The following SEC16A variants were observed in gnomAD, a reference collection of about 807,000 sequenced individuals.
SEC16A encodes SEC16 homolog A, endoplasmic reticulum export factor, also known as protein transport protein Sec16A.
A neutral mutation model predicts 221.9 loss-of-function variants in SEC16A; 110 were observed. That is an observed-to-expected ratio of 0.50 (90% CI 0.42 to 0.58). SEC16A has a LOEUF of 0.58. SEC16A is among the 20% of genes least tolerant of loss of function. The pLI is 0.00. For synonymous variants in SEC16A, 1,393 were observed against 1,257.7 expected, an observed-to-expected ratio of 1.11 and a Z score of -2.28; for missense variants, 3,165 against 3,097.8, an observed-to-expected ratio of 1.02 and a Z score of -0.52.
At chr9:136,483,505 C>G, upstream of SEC16A, 1 of 982,748 alleles carries the variant, frequency 1.0e-6, no homozygotes, top group Non-Finnish European at 1.2e-6. Context: ...CGTCTGCCGC[C>G]TCACCGCTTG....
Position 136,466,018 on chromosome 9 carries a change from G to C in SEC16A, c.4247C>G (p.Pro1416Arg). ...AGGGTAGCCATACTCTGGGAAGCCG[G>C]GGCCACTGCTGAAATTGCTGCGGTA... ...GTYRSNFSSG[P>R]GFPEYGYPAD... is the part of the protein sequence containing the mutation. Residue 1416 changes from proline (P) to arginine (R), a missense_variant, in exon 8 of 32, where the codon CCC becomes CGC. Coordinates refer to ENST00000684901, the MANE Select transcript of SEC16A (RefSeq NM_014866.2). The surrounding 1 kb of genome is among the most constrained non-coding windows in gnomAD (Gnocchi z 5.5). 6.2e-7 allele frequency: 1 copy of C among 1,613,734 alleles called. No individual in the cohort carries two copies. The highest frequency in any genetic ancestry group is 1.1e-5 in the South Asian group (1 of 91,082).
At chr9:136,484,699 G>C, upstream of SEC16A, 1 of 1,366,572 alleles carries the variant, frequency 7.3e-7, no homozygotes, top group South Asian at 1.1e-5. Flanking sequence ...AGGCGGTGCA[G>C]GGAGAGCTTC....
chr9:136,455,471 T>G, intron 20 of SEC16A, 130 bp downstream of exon 20: 2 of 828,344 alleles, frequency 2.4e-6, no homozygotes, highest in Non-Finnish European at 3.6e-6. Context: ...ACCACCGAGG[T>G]GGTGTGAGAC....
rs752423148 is a variant in SEC16A at position 136,467,016 on chromosome 9, C to T, written c.3870G>A (p.Arg1290=). The part of the protein sequence containing the change: ...RVRDPRTYDR[R]YWCDAEYDAY... ...CGTCATACTCTGCATCACACCAATA[C>T]CTCCGGTCATAGGTGCGGGGGTCCC... The change falls in exon 6 of 32, where the codon AGG becomes AGA. Residue 1290 remains arginine, a synonymous_variant. Transcript: ENST00000684901. 1 of 1,613,906 alleles carries T rather than the reference C, an allele frequency of 6.2e-7. No homozygotes were observed. The highest frequency in any genetic ancestry group is 1.1e-5 in the South Asian group (1 of 91,072).
rs1589003016 is a variant in SEC16A at position 136,475,084 on chromosome 9, G to A, written c.2532C>T (p.Asn844=). Residue 844 remains asparagine (N), a synonymous_variant, in exon 3 of 32, where the codon AAC becomes AAT. Transcript: ENST00000684901. The surrounding 1 kb of genome is among the most constrained non-coding windows in gnomAD (Gnocchi z 5.0). ...DHSYNLAQPI[N]FSVSLSNSHE... Reference sequence around the variant, plus strand: ...GAGAGTTCGATAAGGACACAGAAAAGTTAATGGGCTGAGCCAGATTATAGC... The same window carrying A: ...GAGAGTTCGATAAGGACACAGAAAAATTAATGGGCTGAGCCAGATTATAGC... 1.2e-6 allele frequency: 2 copies of A among 1,613,842 alleles called. No individual in the cohort carries two copies. The highest frequency in any genetic ancestry group is 1.1e-5 in the South Asian group (1 of 91,066).
chr9:136,483,502 C>T (rs1842682004), upstream of SEC16A: 2 of 978,978 alleles, frequency 2.0e-6, no homozygotes, highest in African/African-American at 1.8e-5. Context: ...GTCCGTCTGC[C>T]GCCTCACCGC....
At position 136,477,088 on chromosome 9, in the gene SEC16A, A is replaced by G. The variant is rs760327904; in HGVS notation, c.528T>C (p.His176=). 87 of 1,613,866 alleles carry G rather than the reference A, an allele frequency of 5.4e-5. No individual in the cohort carries two copies. The Admixed American group carries it at 1.4e-3, about 26-fold the overall frequency. The change falls in exon 3 of 32, where the codon CAT becomes CAC. Residue 176 remains histidine (H), a synonymous_variant. Transcript: ENST00000684901. Reference sequence around the variant, plus strand: ...GTCGGTCGAGCCCAGGCATGTTCCCATGAGGGTGGCCCCCATGAGACGTTT... The same window carrying G: ...GTCGGTCGAGCCCAGGCATGTTCCCGTGAGGGTGGCCCCCATGAGACGTTT... ...DPETSHGGHP[H]GNMPGLDRPL...
chr9:136,459,647 C>T lies in SEC16A; in HGVS notation c.5192-92G>A. The T allele has an allele frequency of 7.4e-7, 1 of 1,353,154 alleles. No individual in the cohort carries two copies. Among genetic ancestry groups the T allele is most frequent in the Non-Finnish European group, 1.0e-6 (1 of 972,802 alleles). The allele number at this position is 1,353,154 out of a possible 1,614,324, so 83.8% of individuals were successfully genotyped here. A position where few individuals can be genotyped will look rare whatever the true frequency, so the allele number is the denominator to read the frequency against. ...CGCGCACAGAAGGCACCAGAGACGC[C>T]AGCCGGACCGAGAAGGCCGGGTTCT... On this transcript the variant is annotated intron_variant, in intron 15 of 31. Transcript: ENST00000684901. The surrounding 1 kb of genome is among the most constrained non-coding windows in gnomAD (Gnocchi z 6.1).
intron 3 of SEC16A, 126 bp downstream of exon 3, chr9:136,473,923 C>G: frequency 9.7e-7 from 1 of 1,029,242 alleles, no homozygotes; most frequent in South Asian, 1.7e-5. Flanking sequence ...TGTTCTCACG[C>G]CTGCGGGACT....
intron 4 of SEC16A, among the ~76,000 whole-genome samples, chr9:136,470,121 G>C (rs542740202): frequency 7.2e-5 from 11 of 152,358 alleles, no homozygotes; most frequent in Non-Finnish European, 1.5e-4. Flanking sequence ...CACGGAGGCT[G>C]AACAAACATG....
rs747494020 is a variant in SEC16A at position 136,459,724 on chromosome 9, G to A, written c.5191+33C>T. On this transcript the variant is annotated intron_variant, in intron 15 of 31. Transcript: ENST00000684901. This position sits in a 1 kb window ranked among gnomAD's most constrained non-coding sequence, Gnocchi z 6.1. ...ACCGGGCCTTCGGCGCTCCATCCGCGACACCCAATGCCCATCTCCACCCCT... is the reference window on the plus strand; with the variant it reads ...ACCGGGCCTTCGGCGCTCCATCCGCAACACCCAATGCCCATCTCCACCCCT... The A allele has an allele frequency of 1.6e-5, 25 of 1,536,316 alleles. No individual in the cohort carries two copies. Among genetic ancestry groups the A allele is most frequent in the South Asian group, 7.0e-5 (6 of 85,876 alleles).
rs745619004 is a variant in SEC16A at position 136,454,221 on chromosome 9, G to A, written c.5964C>T (p.Thr1988=). The change falls in exon 21 of 32, where the codon ACC becomes ACT. Residue 1988 remains threonine (T), a synonymous_variant. Coordinates refer to ENST00000684901, the MANE Select transcript of SEC16A (RefSeq NM_014866.2). ...GPLEPGPGCV[T]PGPALGFLEP... is the part of the protein sequence containing the mutation. The stretch of plus-strand genomic sequence containing the variant: ...CCAGGAAGCCAAGTGCAGGCCCTGG[G>A]GTCACACAGCCAGGACCCGGCTCCA... 4 of 1,569,028 alleles carry A rather than the reference G, an allele frequency of 2.5e-6. No homozygotes were observed. Among genetic ancestry groups the A allele is most frequent in the African/African-American group, 1.4e-5 (1 of 74,032 alleles).
chr9:136,482,910 G>T (rs1212774969), intron 1 of SEC16A, 28 bp downstream of exon 1: 2 of 907,244 alleles, frequency 2.2e-6, no homozygotes, highest in Non-Finnish European at 2.6e-6. Flanking sequence ...TCCCGCGCTC[G>T]CCCCCTCACC....
chr9:136,454,032 A>T, intron 21 of SEC16A, 77 bp downstream of exon 21: 1 of 1,313,934 alleles, frequency 7.6e-7, no homozygotes, highest in Non-Finnish European at 1.1e-6. Flanking sequence ...AAATAACTTC[A>T]ATCTCTTCCA....
chr9:136,455,288 C>T (rs1380812473), intron 20 of SEC16A, among the ~76,000 whole-genome samples: 8 of 152,214 alleles, frequency 5.3e-5, no homozygotes, highest in Non-Finnish European at 8.8e-5. Flanking sequence ...AGACACGGTG[C>T]GGCTGAGGCT....
At chr9:136,445,552 C>T in intron 29 of SEC16A, 93 bp downstream of exon 29, 1 of 928,130 alleles carries the variant, frequency 1.1e-6, no homozygotes, top group Non-Finnish European at 1.6e-6. Flanking sequence ...TCTTCCTACC[C>T]AGTACCGCCC....
chr9:136,471,804 A>C (rs537900924), intron 4 of SEC16A, among the ~76,000 whole-genome samples, 171 bp downstream of exon 4: 46 of 152,372 alleles, frequency 3.0e-4, no homozygotes, highest in African/African-American at 1.1e-3. Context: ...TCATTTAAAA[A>C]CACACCCTAC....
Position 136,474,624 on chromosome 9 carries a change from A to C in SEC16A, c.2992T>G (p.Leu998Val). 6.2e-7 allele frequency: 1 copy of C among 1,613,186 alleles called. No individual in the cohort carries two copies. Among genetic ancestry groups the C allele is most frequent in the Non-Finnish European group, 8.5e-7 (1 of 1,179,800 alleles). Residue 998 changes from leucine (L) to valine (V), a missense_variant, in exon 3 of 32, where the codon TTA becomes GTA. Coordinates refer to ENST00000684901, the MANE Select transcript of SEC16A (RefSeq NM_014866.2). Reference protein sequence around the residue: ...EDTYGALDFTLSRTLENPVNV... With the variant: ...EDTYGALDFTVSRTLENPVNV... The stretch of plus-strand genomic sequence containing the variant: ...ACAGGATTTTCCAAAGTCCTGCTTA[A>C]GGTAAAGTCTAGGGCTCCGTAAGTG...
intron 30 of SEC16A, among the ~76,000 whole-genome samples, chr9:136,444,400 C>A (rs564884443): frequency 6.6e-6 from 1 of 152,344 alleles, no homozygotes; most frequent in Admixed American, 6.5e-5. Flanking sequence ...CGTTCTCATG[C>A]TTGATCAGAA....
Sources: allele counts gnomAD v4.1 joint callset (sites outside exome capture counted in the v4.1 genomes callset), GRCh38; gene constraint gnomAD v4.1.1; non-coding constraint Gnocchi (gnomAD v3.1); transcripts MANE v1.5; gene names NCBI Gene and HGNC (gene_info 2026-07-23, HGNC 2026-07-21).